FGF12: variants seen among roughly 807,000 people sequenced by gnomAD.
FGF12 encodes fibroblast growth factor 12.
In FGF12, 14 loss-of-function variants were observed where a neutral mutation model predicts 23.6. That is an observed-to-expected ratio of 0.59 (90% CI 0.39 to 0.93). The LOEUF is 0.93. Among genes scored for constraint, FGF12 ranks in the 40% least tolerant of loss-of-function variants. FGF12 has a pLI of 0.00. For synonymous variants in FGF12, 62 were observed against 77.3 expected (o/e 0.80, Z 1.04); for missense variants, 175 against 217.8 (o/e 0.80, Z 1.24).
chr3:192,501,225 A>C (rs1207954640), intron 2 of FGF12, among the ~76,000 whole-genome samples: 1 of 152,196 alleles, frequency 6.6e-6, no homozygotes, highest in Non-Finnish European at 1.5e-5. Flanking sequence ...AAAGAATTGG[A>C]GAATAGAGCT....
intron 2 of FGF12, among the ~76,000 whole-genome samples, chr3:192,485,898 T>C (rs1051981815): frequency 1.3e-5 from 2 of 152,208 alleles, no homozygotes; most frequent in African/African-American, 4.8e-5. Context: ...TATAGACTTG[T>C]TTATAATTTA....
At chr3:192,190,926 C>T (rs79036313) in intron 4 of FGF12, among the ~76,000 whole-genome samples, 12,830 of 152,134 alleles carry the variant, frequency 0.084, 671 homozygotes, top group South Asian at 0.24. Flanking sequence ...TTATTTATGA[C>T]CCTTATCTGA....
chr3:192,567,809 TTCTTTC>T (rs1712409020), intron 2 of FGF12, among the ~76,000 whole-genome samples: 1 of 147,060 alleles, frequency 6.8e-6, no homozygotes, highest in South Asian at 2.2e-4. Flanking sequence ...TTCTCTTTCT[TTCTTTC>T]TCTCTCTCTC....
Position 192,269,008 on chromosome 3 carries a change from G to C in FGF12, c.228+66353C>G, listed in dbSNP as rs541348692. On this transcript the variant is annotated intron_variant, in intron 4 of 5. Transcript: ENST00000445105. The stretch of plus-strand genomic sequence containing the variant: ...TGGCTCACAGCAGCCTCCGCCTCCT[G>C]GGTTCAAGTGATTCTCCTGCCTCAG... Among the ~76,000 whole-genome samples, 751 of 152,108 alleles carry C rather than the reference G, an allele frequency of 4.9e-3. 5 individuals are homozygous for C. The highest frequency in any genetic ancestry group is 9.1e-3 in the Non-Finnish European group (622 of 67,996).
chr3:192,263,625 T>A (rs935630518), intron 4 of FGF12, among the ~76,000 whole-genome samples: 2 of 152,044 alleles, frequency 1.3e-5, no homozygotes, highest in Non-Finnish European at 2.9e-5. Context: ...GAAGTTTCTT[T>A]TTTAATGCTC....
At chr3:192,272,337 G>A (rs1713500796) in intron 4 of FGF12, among the ~76,000 whole-genome samples, 1 of 152,082 alleles carries the variant, frequency 6.6e-6, no homozygotes, top group Admixed American at 6.6e-5. Flanking sequence ...AAGGGGACGG[G>A]GAGGTTATAT....
intron 4 of FGF12, among the ~76,000 whole-genome samples, chr3:192,252,726 A>G (rs1477417978): frequency 6.6e-6 from 1 of 152,032 alleles, no homozygotes; most frequent in African/African-American, 2.4e-5. Context: ...TATGGTAGAA[A>G]AGAAAAAAAC....
intron 4 of FGF12, among the ~76,000 whole-genome samples, chr3:192,282,321 A>T (rs1522266): frequency 0.38 from 57,336 of 151,886 alleles, 11,928 homozygotes; most frequent in East Asian, 0.9. Context: ...AATGAATGAA[A>T]CTGGATGACA....
At chr3:192,144,854 T>G (rs569495830) in intron 5 of FGF12, among the ~76,000 whole-genome samples, 1 of 152,268 alleles carries the variant, frequency 6.6e-6, no homozygotes, top group Admixed American at 6.5e-5. Flanking sequence ...GAACGATGTT[T>G]TCAAATTATT....
chr3:192,476,132 A>C (rs773230107), intron 2 of FGF12, among the ~76,000 whole-genome samples: 4 of 152,090 alleles, frequency 2.6e-5, no homozygotes, highest in Non-Finnish European at 5.9e-5. Context: ...CTTTCCATAC[A>C]TGGCCTAAAC....
chr3:192,392,215 A>T (rs1335803501), intron 2 of FGF12, among the ~76,000 whole-genome samples: 1 of 152,146 alleles, frequency 6.6e-6, no homozygotes, highest in African/African-American at 2.4e-5. Flanking sequence ...GGGAAACATC[A>T]TTTTATAATC....
At chr3:192,167,747 ATATATATATATATATATATAT>A (rs1560175511) in intron 5 of FGF12, among the ~76,000 whole-genome samples, 13 of 24,468 alleles carry the variant, frequency 5.3e-4, no homozygotes, top group African/African-American at 2.0e-3. Flanking sequence ...ATATATATAT[ATATATATATATATATATATAT>A]AAAATTTTTT....
intron 2 of FGF12, among the ~76,000 whole-genome samples, chr3:192,611,764 C>T (rs562639088): frequency 2.0e-5 from 3 of 151,930 alleles, no homozygotes; most frequent in Non-Finnish European, 4.4e-5. Flanking sequence ...TAGAGGAGTA[C>T]GAGAAAGAGT....
At chr3:192,331,622 A>G (rs1000013939) in intron 4 of FGF12, among the ~76,000 whole-genome samples, 1 of 152,154 alleles carries the variant, frequency 6.6e-6, no homozygotes, top group African/African-American at 2.4e-5. Flanking sequence ...TTTCCCGCCT[A>G]TATGAGATAT....
intron 4 of FGF12, among the ~76,000 whole-genome samples, chr3:192,322,567 G>C (rs879781891): frequency 6.6e-6 from 1 of 151,696 alleles, no homozygotes; most frequent in Non-Finnish European, 1.5e-5. Context: ...ATTAAAAACT[G>C]AGAGAATCGC....
chr3:192,529,691 C>A (rs1725041096), intron 2 of FGF12, among the ~76,000 whole-genome samples: 2 of 152,130 alleles, frequency 1.3e-5, no homozygotes, highest in South Asian at 4.1e-4. Flanking sequence ...GGGGGCATCA[C>A]AATCAAGGCA....
intron 2 of FGF12, among the ~76,000 whole-genome samples, chr3:192,630,831 T>C (rs752912030): frequency 2.0e-5 from 3 of 152,044 alleles, no homozygotes; most frequent in Non-Finnish European, 2.9e-5. Context: ...GTGCTGGGAT[T>C]ACAGGCATGA....
chr3:192,505,085 T>G (rs559827217), intron 2 of FGF12, among the ~76,000 whole-genome samples: 1 of 152,316 alleles, frequency 6.6e-6, no homozygotes, highest in East Asian at 1.9e-4. Context: ...AGACCTGTAA[T>G]GTCATTCCAT....
intron 5 of FGF12, among the ~76,000 whole-genome samples, chr3:192,152,120 AT>A (rs1714087159): frequency 4.0e-5 from 3 of 75,546 alleles, no homozygotes; most frequent in African/African-American, 1.4e-4. Flanking sequence ...TGTTTGTAGT[AT>A]TCTCTGATGG....
Sources: allele counts gnomAD v4.1 joint callset (sites outside exome capture counted in the v4.1 genomes callset), GRCh38; gene constraint gnomAD v4.1.1; transcripts MANE v1.5; gene names NCBI Gene and HGNC (gene_info 2026-07-23, HGNC 2026-07-21).